The following FGF18 variants were observed in gnomAD, a reference collection of about 807,000 sequenced individuals.
FGF18 encodes the protein fibroblast growth factor 18.
Under a neutral mutation model 23.0 loss-of-function variants are expected in FGF18, and 5 were observed. That is an observed-to-expected ratio of 0.22 (90% CI 0.11 to 0.46). The LOEUF is 0.46. Ranked by LOEUF, FGF18 falls within the 20% of genes least tolerant of loss-of-function variation. The pLI is 0.99. For synonymous variants in FGF18, 117 were observed against 118.9 expected, an observed-to-expected ratio of 0.98 and a Z score of 0.10; for missense variants, 180 against 291.6, an observed-to-expected ratio of 0.62 and a Z score of 2.79.
intron 2 of FGF18, among the ~76,000 whole-genome samples, chr5:171,433,811 C>T (rs1216073829): frequency 1.3e-5 from 2 of 152,210 alleles, no homozygotes; most frequent in Admixed American, 1.3e-4. Context: ...CTATCAAAAG[C>T]AATAGCATCT....
chr5:171,450,047 G>C (rs1159026626), intron 4 of FGF18, among the ~76,000 whole-genome samples: 1 of 151,442 alleles, frequency 6.6e-6, no homozygotes, highest in Non-Finnish European at 1.5e-5. Flanking sequence ...TCTCTGCAGG[G>C]ACTGACTCCC....
Position 171,420,052 on chromosome 5 carries a change from CAG to C in FGF18, c.-145_-144del. On this transcript the variant is annotated 5_prime_UTR_variant, in exon 1 of 5. Coordinates refer to ENST00000274625, the MANE Select transcript of FGF18 (RefSeq NM_003862.3). ...CGCGCCGCGGAGCGCCCCGGAGCAG[CAG>C]AGTCTGCAGCAGCAGCAGCCGGCGA... The C allele has an allele frequency of 5.7e-6, 3 of 522,920 alleles. No individual in the cohort carries two copies. The highest frequency in any genetic ancestry group is 8.5e-6 in the Non-Finnish European group (3 of 353,366). The allele number at this position is 522,920 out of a possible 1,614,324, so 32.4% of individuals were successfully genotyped here. A position where few individuals can be genotyped will look rare whatever the true frequency, so the allele number is the denominator to read the frequency against.
rs1210107427 is a variant in FGF18, at chr5:171,440,718, C to T, written c.250+4445C>T. 6.6e-6 allele frequency among the ~76,000 whole-genome samples: 1 copy of T among 152,150 alleles called. No individual in the cohort carries two copies. The highest frequency in any genetic ancestry group is 1.5e-5 in the Non-Finnish European group (1 of 68,030). On this transcript the variant is annotated intron_variant, in intron 3 of 4. Transcript: ENST00000274625. The surrounding 1 kb of genome is among the most constrained non-coding windows in gnomAD (Gnocchi z 4.0). ...TAAAGGGTGTGCAGCTGGTACTTTG[C>T]AGCTTCCTCCAGCTCAGGCATGGGG...
intron 3 of FGF18, among the ~76,000 whole-genome samples, chr5:171,444,137 G>A (rs1284200495): frequency 6.6e-6 from 1 of 152,164 alleles, no homozygotes; most frequent in Non-Finnish European, 1.5e-5. Context: ...ATTTGGAAGT[G>A]GAGCTGAGGG....
At chr5:171,423,793 T>TTTC (rs1173722357) in intron 2 of FGF18, among the ~76,000 whole-genome samples, 14 of 144,144 alleles carry the variant, frequency 9.7e-5, no homozygotes, top group Non-Finnish European at 1.7e-4. Flanking sequence ...TTTTTTTTTT[T>TTTC]TTTTGTGCTC....
At chr5:171,437,400 G>GGCTGGGCAGGGCTGAGCCAT (rs1422261464) in intron 3 of FGF18, among the ~76,000 whole-genome samples, 6 of 152,240 alleles carry the variant, frequency 3.9e-5, no homozygotes, top group Non-Finnish European at 7.3e-5. Context: ...GGCCAGGCCA[G>GGCTGGGCAGGGCTGAGCCAT]GCTGGGCAGG....
In FGF18 at chr5:171,451,747, C is replaced by T. The variant is rs147930604; in HGVS notation, c.357+2494C>T. On this transcript the variant is annotated intron_variant, in intron 4 of 4. Transcript: ENST00000274625. This position sits in a 1 kb window ranked among gnomAD's most constrained non-coding sequence, Gnocchi z 4.5. The stretch of plus-strand genomic sequence containing the variant: ...ACATGGATTCCTTATGCTCCAGATG[C>T]GTGGCACTGAGCACCGCTGTTCCAT... 4.6e-3 allele frequency among the ~76,000 whole-genome samples: 704 copies of T among 152,308 alleles called. 4 individuals are homozygous for T. Among genetic ancestry groups the T allele is most frequent in the Non-Finnish European group, 6.9e-3 (470 of 68,012 alleles).
chr5:171,445,185 G>C (rs1772400791), intron 3 of FGF18, among the ~76,000 whole-genome samples: 1 of 152,158 alleles, frequency 6.6e-6, no homozygotes, highest in South Asian at 2.1e-4. Context: ...CCTGTGGTGG[G>C]AGCGTGCTTG....
chr5:171,449,288 G>A (rs1162580162), intron 4 of FGF18, 35 bp downstream of exon 4: 2 of 1,500,166 alleles, frequency 1.3e-6, no homozygotes, highest in African/African-American at 1.4e-5. Context: ...GGAACTTCGG[G>A]TTCCCCTCTG....
chr5:171,435,605 TC>T (rs1174807349), intron 2 of FGF18, among the ~76,000 whole-genome samples: 1 of 152,160 alleles, frequency 6.6e-6, no homozygotes, highest in South Asian at 2.1e-4. Context: ...GCCTGTTGGT[TC>T]CCTGGATGAG....
chr5:171,456,770 A>G lies in FGF18; in HGVS notation c.589A>G (p.Arg197Gly). Residue 197 changes from arginine (R) to glycine (G), a missense_variant, in exon 5 of 5, where the codon AGG becomes GGG. Arg to Gly is a moderately radical substitution (Grantham distance 125). Around this residue, in one of 3 missense-constraint regions of FGF18, gnomAD observed 40 missense variants for 41.4 expected, o/e 0.97. Transcript: ENST00000274625. This position sits in a 1 kb window ranked among gnomAD's most constrained non-coding sequence, Gnocchi z 6.1. ...KPFKYTTVTK[R>G]SRRIRPTHPA ...CTTCAAGTACACGACGGTGACCAAG[A>G]GGTCCCGTCGGATCCGGCCCACACA... is the stretch of plus-strand genomic sequence containing the variant. 1 of 1,614,022 alleles carries G rather than the reference A, an allele frequency of 6.2e-7. No individual in the cohort carries two copies. The highest frequency in any genetic ancestry group is 8.5e-7 in the Non-Finnish European group (1 of 1,180,018).
rs758455142 is a variant in FGF18, at chr5:171,436,734, C to T, written c.250+461C>T. ...GGTGCTTTGAGCTTGAGCCTGTGCA[C>T]CTGTGATATGTGGCACTCATTAACA... On this transcript the variant is annotated intron_variant, in intron 3 of 4. Transcript: ENST00000274625. The surrounding 1 kb of genome is among the most constrained non-coding windows in gnomAD (Gnocchi z 4.4). Among the ~76,000 whole-genome samples, 1 of 152,154 alleles carries T rather than the reference C, an allele frequency of 6.6e-6. No individual in the cohort carries two copies. The highest frequency in any genetic ancestry group is 1.9e-4 in the East Asian group (1 of 5,182).
At chr5:171,445,759 A>G (rs1772409370) in intron 3 of FGF18, among the ~76,000 whole-genome samples, 1 of 152,078 alleles carries the variant, frequency 6.6e-6, no homozygotes, top group Non-Finnish European at 1.5e-5. Flanking sequence ...TGAGTTGTGC[A>G]GGCTGGAGGG....
Position 171,420,316 on chromosome 5 carries a change from C to T in FGF18, c.32+85C>T, listed in dbSNP as rs1771984227. 5 of 1,606,208 alleles carry T rather than the reference C, an allele frequency of 3.1e-6. No homozygotes were observed. In the South Asian group the frequency reaches 5.5e-5, roughly 18 times the overall value. ...CCTGTACCTCTGTCTGCCCGCCCGT[C>T]GGTTCACCTGACTCTTCGACTGCGT... On this transcript the variant is annotated intron_variant, in intron 1 of 4. Coordinates refer to ENST00000274625, the MANE Select transcript of FGF18 (RefSeq NM_003862.3).
intron 3 of FGF18, among the ~76,000 whole-genome samples, chr5:171,447,929 G>A (rs1050068057): frequency 4.6e-5 from 7 of 152,106 alleles, no homozygotes; most frequent in African/African-American, 7.2e-5. Flanking sequence ...GGAGTGGGGC[G>A]GTCACAGGCA....
intron 2 of FGF18, among the ~76,000 whole-genome samples, chr5:171,424,479 A>G (rs1398203648): frequency 2.6e-5 from 4 of 152,270 alleles, no homozygotes; most frequent in Non-Finnish European, 5.9e-5. Context: ...AAACCGAGGC[A>G]CAGAATGAGG....
intron 4 of FGF18, among the ~76,000 whole-genome samples, chr5:171,450,409 C>T (rs1025549496): frequency 1.3e-5 from 2 of 152,148 alleles, no homozygotes; most frequent in Admixed American, 6.5e-5. Context: ...ACTTTCTGCC[C>T]GGCACTGAAC....
rs992524872 is a variant in FGF18 at position 171,449,398 on chromosome 5, T to A, written c.357+145T>A. 1.6e-5 allele frequency: 8 copies of A among 512,204 alleles called. No individual in the cohort carries two copies. Among genetic ancestry groups the A allele is most frequent in the African/African-American group, 1.5e-4 (7 of 45,576 alleles). 31.7% of individuals were successfully genotyped at this position (512,204 alleles called of 1,614,324 possible). On this transcript the variant is annotated intron_variant, in intron 4 of 4. Transcript: ENST00000274625. The stretch of plus-strand genomic sequence containing the variant: ...GTGTGTGTGTGTGTGTGTGTGTGTG[T>A]GTGAGAGAGAGAGAGAGAGAGAGAG...
Position 171,429,856 on chromosome 5 carries a change from A to C in FGF18, c.70-6237A>C, listed in dbSNP as rs80105845. ...CAATATTCCAACCTCCTTACCCCCA[A>C]ACTATGGCCTGTGGCCTGAACCAGT... On this transcript the variant is annotated intron_variant, in intron 2 of 4. Coordinates refer to ENST00000274625, the MANE Select transcript of FGF18 (RefSeq NM_003862.3). 3.5e-3 allele frequency among the ~76,000 whole-genome samples: 528 copies of C among 152,326 alleles called. 4 individuals are homozygous for C. Among genetic ancestry groups the C allele is most frequent in the African/African-American group, 0.012 (503 of 41,576 alleles).
Sources: allele counts gnomAD v4.1 joint callset (sites outside exome capture counted in the v4.1 genomes callset), GRCh38; gene constraint gnomAD v4.1.1; regional missense constraint gnomAD v4.1.1; non-coding constraint Gnocchi (gnomAD v3.1); transcripts MANE v1.5; gene names NCBI Gene and HGNC (gene_info 2026-07-23, HGNC 2026-07-21).